Variants in CFAP97 observed in about 807,000 individuals in gnomAD.
CFAP97 encodes the protein cilia- and flagella-associated protein 97.
CFAP97 carries 36 observed loss-of-function variants against 43.1 expected under a neutral mutation model. That is an observed-to-expected ratio of 0.84 (90% CI 0.64 to 1.10). CFAP97 has a LOEUF of 1.10. Ranked by LOEUF, CFAP97 falls within the 50% of genes least tolerant of loss-of-function variation. The pLI, the probability that CFAP97 is intolerant of heterozygous loss-of-function variation, is 0.00. For synonymous variants in CFAP97, 228 were observed against 225.7 expected, an observed-to-expected ratio of 1.01 and a Z score of -0.09; for missense variants, 657 against 620.3, an observed-to-expected ratio of 1.06 and a Z score of -0.63.
Position 185,161,421 on chromosome 4 carries a change from A to T in CFAP97, c.*1377T>A, listed in dbSNP as rs543003237. On this transcript the variant is annotated 3_prime_UTR_variant, in exon 5 of 5. Transcript: ENST00000458385. ...AGCATACATGCTACAGAGCCTGAGC[A>T]CTGAAAAATGAAAATCTTATTGTGG... 1 of 152,376 alleles carries T rather than the reference A, an allele frequency of 6.6e-6. No homozygotes were observed. Among genetic ancestry groups the T allele is most frequent in the East Asian group, 1.9e-4 (1 of 5,190 alleles). The allele number at this position is 152,376 out of a possible 1,614,324, so 9.4% of individuals were successfully genotyped here.
intron 1 of CFAP97, among the ~76,000 whole-genome samples, chr4:185,198,485 CTA>C (rs1736662238): frequency 6.8e-6 from 1 of 147,086 alleles, no homozygotes; most frequent in Non-Finnish European, 1.5e-5. Context: ...GAAGCCTACT[CTA>C]TCACATAAAA....
At chr4:185,176,546 G>A (rs1460495694) in intron 2 of CFAP97, among the ~76,000 whole-genome samples, 5 of 152,106 alleles carry the variant, frequency 3.3e-5, no homozygotes, top group South Asian at 2.1e-4. Flanking sequence ...TATGCTCACC[G>A]GGTTCCTTGG....
intron 1 of CFAP97, among the ~76,000 whole-genome samples, chr4:185,199,926 A>C (rs1736748949): frequency 6.6e-6 from 1 of 152,246 alleles, no homozygotes; most frequent in Admixed American, 6.5e-5. Context: ...CACGCCTGCT[A>C]ACAACATCCA....
intron 2 of CFAP97, among the ~76,000 whole-genome samples, chr4:185,189,499 T>C (rs1736138286): frequency 6.6e-6 from 1 of 152,210 alleles, no homozygotes; most frequent in African/African-American, 2.4e-5. Context: ...AACTTTGAAG[T>C]TGCTTTTATT....
chr4:185,207,470 G>C (rs897886341), upstream of CFAP97, among the ~76,000 whole-genome samples: 1 of 151,898 alleles, frequency 6.6e-6, no homozygotes, highest in African/African-American at 2.4e-5. Context: ...CAGCCACCTC[G>C]GCTTCCCAAA....
At chr4:185,195,703 G>A (rs773702437) in intron 1 of CFAP97, among the ~76,000 whole-genome samples, 2 of 152,096 alleles carry the variant, frequency 1.3e-5, no homozygotes, top group South Asian at 2.1e-4. Flanking sequence ...AGAGGCCTGC[G>A]ATCTTGAGTC....
rs370581881 is a variant in CFAP97 at position 185,191,107 on chromosome 4, G to A, written c.90C>T (p.Asn30=). The A allele has an allele frequency of 2.5e-6, 4 of 1,611,988 alleles. No homozygotes were observed. Among genetic ancestry groups the A allele is most frequent in the Non-Finnish European group, 3.4e-6 (4 of 1,179,538 alleles). ...DFEEGKKCET[N]SVFDKQNDDP... Reference sequence around the variant, plus strand: ...CATCATTTTGCTTGTCAAAAACTGAGTTAGTTTCACATTTCTTTCCTTCTT... The same window carrying A: ...CATCATTTTGCTTGTCAAAAACTGAATTAGTTTCACATTTCTTTCCTTCTT... The change falls in exon 2 of 5, where the codon AAC becomes AAT. Residue 30 remains asparagine (N), a synonymous_variant. Transcript: ENST00000458385.
intron 1 of CFAP97, among the ~76,000 whole-genome samples, chr4:185,201,048 G>A (rs544944893): frequency 6.2e-4 from 94 of 152,234 alleles, no homozygotes; most frequent in Non-Finnish European, 1.1e-3. Flanking sequence ...GTGAGGCTCG[G>A]TGCTGTGGCT....
chr4:185,209,777 G>A, upstream of CFAP97: 1 of 984,078 alleles, frequency 1.0e-6, no homozygotes, highest in Non-Finnish European at 1.2e-6. This position sits in a 1 kb window ranked among gnomAD's most constrained non-coding sequence, Gnocchi z 5.2. Context: ...GCGCCGGCGG[G>A]GGACCGGGGG....
Position 185,168,443 on chromosome 4 carries a change from C to A in CFAP97, c.1321-4264G>T, listed in dbSNP as rs550740240. Among the ~76,000 whole-genome samples the A allele has an allele frequency of 9.2e-4, 139 of 151,690 alleles. 2 individuals carry two copies. The highest frequency in any genetic ancestry group is 2.2e-4 in the Non-Finnish European group (15 of 67,930). ...CCAACATGGTAAAACTCCATCTCTACTAAAAATACAAAAATTAGCTAGGCA... is the reference window on the plus strand; with the variant it reads ...CCAACATGGTAAAACTCCATCTCTAATAAAAATACAAAAATTAGCTAGGCA... On this transcript the variant is annotated intron_variant, in intron 3 of 4. Coordinates refer to ENST00000458385, the MANE Select transcript of CFAP97 (RefSeq NM_020827.3).
chr4:185,176,089 A>G, intron 2 of CFAP97, 38 bp from the exon 3 acceptor site: 2 of 1,495,510 alleles, frequency 1.3e-6, no homozygotes, highest in Non-Finnish European at 1.8e-6. Context: ...AAAATGGCCA[A>G]AGTAAGTATG....
intron 2 of CFAP97, among the ~76,000 whole-genome samples, chr4:185,189,140 G>C (rs1224801146): frequency 6.6e-6 from 1 of 152,178 alleles, no homozygotes; most frequent in East Asian, 1.9e-4. Flanking sequence ...AGGAGGCTGA[G>C]GCAGGAGGAT....
chr4:185,178,748 C>T (rs1298501156), intron 2 of CFAP97, among the ~76,000 whole-genome samples: 1 of 152,164 alleles, frequency 6.6e-6, no homozygotes, highest in East Asian at 1.9e-4. Flanking sequence ...CTGGAACAGA[C>T]TTAGCACAGG....
chr4:185,182,424 A>G (rs986554814), intron 2 of CFAP97: 1 of 152,236 alleles, frequency 6.6e-6, no homozygotes, highest in African/African-American at 2.4e-5. Flanking sequence ...AAGAGGTTGA[A>G]TATTCAGAAA....
intron 2 of CFAP97, among the ~76,000 whole-genome samples, chr4:185,184,905 T>C (rs1394408713): frequency 1.3e-5 from 2 of 152,206 alleles, no homozygotes; most frequent in Non-Finnish European, 2.9e-5. Flanking sequence ...TAATCCTCTT[T>C]CCTAGGATAC....
chr4:185,192,758 T>TTTTTTA (rs376440116), intron 1 of CFAP97, among the ~76,000 whole-genome samples: 1 of 128,248 alleles, frequency 7.8e-6, no homozygotes, highest in Non-Finnish European at 1.6e-5. Context: ...TTTTTTTTTT[T>TTTTTTA]GAGACGGAGT....
chr4:185,209,856 C>T, upstream of CFAP97: 1 of 983,432 alleles, frequency 1.0e-6, no homozygotes. The surrounding 1 kb of genome is among the most constrained non-coding windows in gnomAD (Gnocchi z 5.2). Context: ...ACAGTGGCGG[C>T]GCCGGCCCCA....
chr4:185,176,124 T>G, intron 2 of CFAP97, 73 bp from the exon 3 acceptor site: 1 of 1,235,198 alleles, frequency 8.1e-7, no homozygotes. Context: ...TTTTTTTTTC[T>G]CTTTTTAGAC....
At chr4:185,166,187 A>G (rs1735062517) in intron 3 of CFAP97, among the ~76,000 whole-genome samples, 1 of 152,140 alleles carries the variant, frequency 6.6e-6, no homozygotes, top group Admixed American at 6.5e-5. Context: ...ACATGATTCC[A>G]CCTGACTGTA....
Sources: gnomAD v4.1 joint callset for allele counts (sites outside exome capture counted in the v4.1 genomes callset) on GRCh38, gnomAD v4.1.1 for gene constraint, Gnocchi (gnomAD v3.1) non-coding constraint, MANE v1.5 for transcripts, NCBI Gene and HGNC (gene_info 2026-07-23, HGNC 2026-07-21) for gene names.